The following PTPRD variants were observed in gnomAD, a reference collection of about 807,000 sequenced individuals.
PTPRD encodes the protein receptor-type tyrosine-protein phosphatase delta.
Under a neutral mutation model 214.5 loss-of-function variants are expected in PTPRD, and 34 were observed. The ratio of observed to expected loss-of-function variants is 0.16; its 90% CI spans 0.12 to 0.21. The LOEUF (loss-of-function observed/expected upper bound fraction) is 0.21. PTPRD is among the 10% of genes least tolerant of loss of function. The pLI, the probability that PTPRD is intolerant of heterozygous loss-of-function variation, is 1.00. For missense variants in PTPRD, 2,545 were observed against 2,398.7 expected (o/e 1.06, Z -1.27); for synonymous variants, 1,128 against 845.7 (o/e 1.33, Z -5.79).
rs560815697 is a variant in PTPRD at position 9,779,627 on chromosome 9, G to C, written c.-367-12776C>G. ...AAATGCTCAACATCATTAATCATCA[G>C]AAAAATGCCAATCAAAACCACAGTG... On this transcript the variant is annotated intron_variant, in intron 5 of 45. Transcript: ENST00000381196. Among the ~76,000 whole-genome samples the C allele has an allele frequency of 2.0e-5, 3 of 152,218 alleles. No individual in the cohort carries two copies. In the South Asian group the frequency reaches 6.2e-4, roughly 32 times the overall value.
At chr9:9,401,666 C>T (rs574205565) in intron 8 of PTPRD, among the ~76,000 whole-genome samples, 16 of 151,312 alleles carry the variant, frequency 1.1e-4, no homozygotes, top group Admixed American at 3.3e-4. Context: ...GGTTTTTCTA[C>T]GTACCCACCG....
chr9:9,234,955 C>T (rs1262004113), intron 9 of PTPRD, among the ~76,000 whole-genome samples: 1 of 152,174 alleles, frequency 6.6e-6, no homozygotes, highest in African/African-American at 2.4e-5. Context: ...CGTATCTTTA[C>T]AGCAATGCCC....
At chr9:9,201,694 A>T (rs1291583659) in intron 9 of PTPRD, among the ~76,000 whole-genome samples, 1 of 152,234 alleles carries the variant, frequency 6.6e-6, no homozygotes, top group Non-Finnish European at 1.5e-5. Context: ...CAATGCATTT[A>T]AAAGGTAAAA....
At chr9:9,137,208 C>T (rs2099852247) in intron 10 of PTPRD, among the ~76,000 whole-genome samples, 1 of 152,108 alleles carries the variant, frequency 6.6e-6, no homozygotes, top group Non-Finnish European at 1.5e-5. Context: ...TGCATTTCAG[C>T]TTTAATACAT....
chr9:8,402,543 A>T (rs1160013064), intron 36 of PTPRD, among the ~76,000 whole-genome samples: 1 of 152,214 alleles, frequency 6.6e-6, no homozygotes, highest in Non-Finnish European at 1.5e-5. Flanking sequence ...AGACCATGCC[A>T]AATAGATTCT....
At chr9:8,654,872 C>T (rs80138356) in intron 12 of PTPRD, among the ~76,000 whole-genome samples, 1 of 152,150 alleles carries the variant, frequency 6.6e-6, no homozygotes, top group Non-Finnish European at 1.5e-5. Flanking sequence ...ACTAGCTTCT[C>T]AAGTTGACCC....
intron 5 of PTPRD, among the ~76,000 whole-genome samples, chr9:9,907,429 G>C (rs928935017): frequency 4.0e-5 from 6 of 151,848 alleles, no homozygotes; most frequent in African/African-American, 1.2e-4. Context: ...TGGTAGGTCT[G>C]GTTTCTCATG....
At chr9:8,469,690 A>T (rs2096614591) in intron 31 of PTPRD, among the ~76,000 whole-genome samples, 1 of 152,062 alleles carries the variant, frequency 6.6e-6, no homozygotes, top group African/African-American at 2.4e-5. Context: ...AAATTATAAC[A>T]TATCTAAATT....
intron 7 of PTPRD, among the ~76,000 whole-genome samples, chr9:9,621,551 G>A (rs149186857): frequency 0.011 from 1,626 of 152,308 alleles, 18 homozygotes; most frequent in Non-Finnish European, 0.016. Flanking sequence ...CTGTGGATGT[G>A]ATGTGGATGC....
intron 25 of PTPRD, among the ~76,000 whole-genome samples, chr9:8,499,109 C>T (rs10124229): frequency 0.035 from 5,316 of 152,044 alleles, 278 homozygotes; most frequent in African/African-American, 0.12. Context: ...ATCATTGTAA[C>T]GATCTTCATT....
At chr9:10,018,316 A>G (rs1385669318) in intron 4 of PTPRD, among the ~76,000 whole-genome samples, 3 of 152,082 alleles carry the variant, frequency 2.0e-5, no homozygotes, top group East Asian at 1.9e-4. Flanking sequence ...ATATATTCCA[A>G]TAAATCAGAA....
intron 11 of PTPRD, among the ~76,000 whole-genome samples, chr9:8,980,812 T>TA (rs2099308797): frequency 1.3e-5 from 2 of 152,100 alleles, no homozygotes; most frequent in East Asian, 3.9e-4. Context: ...CCTGGGGACT[T>TA]ACGGTGTACA....
chr9:8,911,790 C>T (rs2098750125), intron 11 of PTPRD, among the ~76,000 whole-genome samples: 1 of 151,664 alleles, frequency 6.6e-6, no homozygotes, highest in Non-Finnish European at 1.5e-5. Context: ...GAATTATATC[C>T]AAAAGATATA....
At chr9:8,697,798 C>G (rs1173830594) in intron 12 of PTPRD, among the ~76,000 whole-genome samples, 1 of 151,902 alleles carries the variant, frequency 6.6e-6, no homozygotes, top group Non-Finnish European at 1.5e-5. Context: ...GAGGAGCACA[C>G]ACAATTGTAT....
At chr9:10,145,083 C>T (rs971827178) in intron 3 of PTPRD, among the ~76,000 whole-genome samples, 47 of 151,860 alleles carry the variant, frequency 3.1e-4, no homozygotes, top group Admixed American at 2.2e-3. Context: ...TATCCCCCCA[C>T]GAAAATATCT....
chr9:10,394,960 T>TC lies in PTPRD; in HGVS notation c.-599-53944_-599-53943insG, dbSNP rs1437546596. 2.5e-3 allele frequency among the ~76,000 whole-genome samples: 364 copies of TC among 144,706 alleles called. 2 individuals are homozygous for TC. The highest frequency in any genetic ancestry group is 4.0e-3 in the Non-Finnish European group (267 of 66,100). The allele number at this position is 144,706 out of a possible 152,430, so 94.9% of individuals were successfully genotyped here. Reference sequence around the variant, plus strand: ...GTTGCCACCATTTTTTCTTTTTCTTTTTTTTTTTTTTTTTTAGTCAGCTGT... The same window carrying TC: ...GTTGCCACCATTTTTTCTTTTTCTTTCTTTTTTTTTTTTTTTAGTCAGCTGT... On this transcript the variant is annotated intron_variant, in intron 2 of 45. Transcript: ENST00000381196.
chr9:8,783,572 T>C (rs1599666908), intron 11 of PTPRD, among the ~76,000 whole-genome samples: 1 of 152,186 alleles, frequency 6.6e-6, no homozygotes, highest in Non-Finnish European at 1.5e-5. Context: ...ACGGTGACAT[T>C]GTGACAGAAG....
chr9:10,482,548 G>A (rs1006329901), intron 2 of PTPRD, among the ~76,000 whole-genome samples: 1 of 151,760 alleles, frequency 6.6e-6, no homozygotes, highest in Non-Finnish European at 1.5e-5. Flanking sequence ...AAAAGATTAT[G>A]ATTTAATAAA....
At chr9:10,307,404 T>C (rs1320502123) in intron 3 of PTPRD, among the ~76,000 whole-genome samples, 1 of 152,108 alleles carries the variant, frequency 6.6e-6, no homozygotes, top group African/African-American at 2.4e-5. Flanking sequence ...ATGACAGGAC[T>C]GTGTTCTTTC....
Sources: gnomAD v4.1 joint callset for allele counts (sites outside exome capture counted in the v4.1 genomes callset) on GRCh38, gnomAD v4.1.1 for gene constraint, MANE v1.5 for transcripts, NCBI Gene and HGNC (gene_info 2026-07-23, HGNC 2026-07-21) for gene names.